The following CC2D2B variants were observed in gnomAD, a reference collection of about 807,000 sequenced individuals.
CC2D2B encodes protein CC2D2B.
CC2D2B carries 128 observed loss-of-function variants against 161.2 expected under a neutral mutation model. The ratio of observed to expected loss-of-function variants is 0.79; its 90% CI spans 0.69 to 0.92. The LOEUF (loss-of-function observed/expected upper bound fraction) is 0.92, where lower values mean the gene tolerates loss of function less well. Ranked by LOEUF, CC2D2B falls within the 40% of genes least tolerant of loss-of-function variation. CC2D2B has a pLI of 0.00. For synonymous variants in CC2D2B, 391 were observed against 449.8 expected (o/e 0.87, Z 1.65); for missense variants, 1,173 against 1,375.1 (o/e 0.85, Z 2.32).
chr10:96,001,419 G>A (rs566963055), intron 24 of CC2D2B, among the ~76,000 whole-genome samples: 24 of 151,318 alleles, frequency 1.6e-4, no homozygotes, highest in African/African-American at 3.6e-4. Context: ...TGTTTTCATC[G>A]TTTATATGAT....
In CC2D2B at chr10:95,938,091, T is replaced by G; in HGVS notation, c.437T>G (p.Leu146Trp). ...EEEEFMKEFILTDILKVKAAD... is the reference protein window; with the variant it reads ...EEEEFMKEFIWTDILKVKAAD... ...GAAGAGTTTATGAAAGAATTCATTTTGACAGATATACTCAAAGTAAAAGCT... is the reference window on the plus strand; with the variant it reads ...GAAGAGTTTATGAAAGAATTCATTTGGACAGATATACTCAAAGTAAAAGCT... The change falls in exon 7 of 35, where the codon TTG (leucine) becomes TGG (tryptophan). Residue 146 changes from leucine (L) to tryptophan (W), a missense_variant. Coordinates refer to ENST00000646931, the MANE Select transcript of CC2D2B (RefSeq NM_001349008.3). The G allele has an allele frequency of 1.5e-5, 23 of 1,549,288 alleles. No homozygotes were observed. The highest frequency in any genetic ancestry group is 2.0e-5 in the Non-Finnish European group (23 of 1,144,836).
At position 96,004,198 on chromosome 10, in the gene CC2D2B, G is replaced by T. The variant is rs1219456943; in HGVS notation, c.2896G>T (p.Asp966Tyr). The T allele has an allele frequency of 6.4e-7, 1 of 1,555,970 alleles. No individual in the cohort carries two copies. Among genetic ancestry groups the T allele is most frequent in the East Asian group, 2.4e-5 (1 of 42,024 alleles). Residue 966 changes from aspartate to tyrosine, a missense_variant, in exon 25 of 35, where the codon GAT becomes TAT. Asp to Tyr is a radical substitution (Grantham distance 160). Transcript: ENST00000646931. Reference protein sequence around the residue: ...YSFSSLSKIKDNIYINIFDEM... With the variant: ...YSFSSLSKIKYNIYINIFDEM... Reference sequence around the variant, plus strand: ...CTTCTCAAGCTTATCTAAAATAAAAGATAACATATATATCAACATTTTTGA... The same window carrying T: ...CTTCTCAAGCTTATCTAAAATAAAATATAACATATATATCAACATTTTTGA...
At chr10:95,980,138 A>C (rs889833967) in intron 17 of CC2D2B, among the ~76,000 whole-genome samples, 4 of 151,314 alleles carry the variant, frequency 2.6e-5, no homozygotes, top group Non-Finnish European at 4.4e-5. Flanking sequence ...TCCATCACCA[A>C]AGTAGAAATC....
At chr10:95,966,455 CTAT>C (rs1418616678) in intron 14 of CC2D2B, among the ~76,000 whole-genome samples, 153 bp downstream of exon 14, 1 of 151,972 alleles carries the variant, frequency 6.6e-6, no homozygotes, top group Non-Finnish European at 1.5e-5. Context: ...CACCATAACT[CTAT>C]AGAGTTCCAT....
chr10:95,994,612 C>T (rs988144640), intron 22 of CC2D2B, among the ~76,000 whole-genome samples: 1 of 152,168 alleles, frequency 6.6e-6, no homozygotes, highest in Non-Finnish European at 1.5e-5. Context: ...TAACGAGTGC[C>T]TTCCCAGACA....
chr10:96,025,192 A>AATATATATAT (rs10524712), intron 33 of CC2D2B, among the ~76,000 whole-genome samples: 3 of 49,170 alleles, frequency 6.1e-5, no homozygotes, highest in South Asian at 7.7e-4. Context: ...TATAAAAAAA[A>AATATATATAT]ATATATATAT....
At chr10:95,971,498 A>C (rs1049770783) in intron 15 of CC2D2B, among the ~76,000 whole-genome samples, 5 of 152,126 alleles carry the variant, frequency 3.3e-5, no homozygotes, top group Middle Eastern at 3.4e-3. Flanking sequence ...TTTCATGCCC[A>C]GTGAACCTCT....
intron 2 of CC2D2B, among the ~76,000 whole-genome samples, chr10:95,914,815 C>T (rs1221209755): frequency 2.6e-5 from 4 of 152,134 alleles, no homozygotes; most frequent in African/African-American, 7.2e-5. Context: ...TTCATAACAG[C>T]GTGAGAATGG....
intron 34 of CC2D2B, among the ~76,000 whole-genome samples, chr10:96,027,880 CTG>C (rs1291273427): frequency 6.6e-6 from 1 of 152,150 alleles, no homozygotes; most frequent in Non-Finnish European, 1.5e-5. Context: ...AGAACATACA[CTG>C]GGGAAAATAC....
In CC2D2B at chr10:96,032,137, CT is replaced by C; in HGVS notation, c.*131del. On this transcript the variant is annotated 3_prime_UTR_variant, in exon 35 of 35. Coordinates refer to ENST00000646931, the MANE Select transcript of CC2D2B (RefSeq NM_001349008.3). ...AGTGCTGGGCCCAATTTTTGATTCA[CT>C]TACAGAGCTGGGCACTATGGAGACT... 1 of 672,338 alleles carries C rather than the reference CT, an allele frequency of 1.5e-6. No individual in the cohort carries two copies. The highest frequency in any genetic ancestry group is 2.7e-5 in the East Asian group (1 of 36,828). 41.6% of individuals were successfully genotyped at this position (672,338 alleles called of 1,614,324 possible). A position where few individuals can be genotyped will look rare whatever the true frequency, so the allele number is the denominator to read the frequency against.
chr10:95,978,495 T>C (rs1382131231), intron 17 of CC2D2B, among the ~76,000 whole-genome samples: 1 of 152,194 alleles, frequency 6.6e-6, no homozygotes, highest in Non-Finnish European at 1.5e-5. Context: ...TAGCTGAGAC[T>C]GTAGGCAGGT....
intron 10 of CC2D2B, chr10:95,952,461 A>G (rs1564613742): frequency 6.6e-6 from 1 of 152,300 alleles, no homozygotes; most frequent in Middle Eastern, 3.4e-3. Flanking sequence ...GTACATCCTT[A>G]AAGTTCTCCT....
chr10:95,921,478 T>C (rs181845069), intron 2 of CC2D2B: 1 of 152,382 alleles, frequency 6.6e-6, no homozygotes, highest in African/African-American at 2.4e-5. Context: ...GGCACTATGA[T>C]TGCTCACCTG....
At chr10:95,908,918 AAT>A (rs1301849973) in intron 1 of CC2D2B, among the ~76,000 whole-genome samples, 1 of 152,066 alleles carries the variant, frequency 6.6e-6, no homozygotes, top group African/African-American at 2.4e-5. Context: ...TTCAAAATAT[AAT>A]ATGATAGTTT....
intron 14 of CC2D2B, among the ~76,000 whole-genome samples, chr10:95,968,266 A>G (rs959524394): frequency 6.6e-6 from 1 of 152,166 alleles, no homozygotes; most frequent in Non-Finnish European, 1.5e-5. Context: ...CACATCTTTG[A>G]AGTTATTGAC....
intron 17 of CC2D2B, among the ~76,000 whole-genome samples, chr10:95,976,038 C>G (rs2077301340): frequency 6.6e-6 from 1 of 152,192 alleles, no homozygotes; most frequent in South Asian, 2.1e-4. Context: ...TTGCAACTCT[C>G]TTTTACAATT....
chr10:95,970,870 C>T (rs1481324153), intron 15 of CC2D2B, among the ~76,000 whole-genome samples: 1 of 152,212 alleles, frequency 6.6e-6, no homozygotes, highest in Non-Finnish European at 1.5e-5. Context: ...GTCTTAAATT[C>T]TCTCTTACAA....
intron 32 of CC2D2B, among the ~76,000 whole-genome samples, chr10:96,021,883 C>T (rs1590920340): frequency 1.3e-5 from 2 of 152,272 alleles, no homozygotes; most frequent in Admixed American, 6.5e-5. Flanking sequence ...TCAGATGTAG[C>T]TAGGTGGTAG....
chr10:95,929,907 A>G (rs1177134515), intron 6 of CC2D2B, among the ~76,000 whole-genome samples: 1 of 152,180 alleles, frequency 6.6e-6, no homozygotes, highest in African/African-American at 2.4e-5. Context: ...TGAAATTTAA[A>G]GTATTTTTTT....
Sources: gnomAD v4.1 joint callset for allele counts (sites outside exome capture counted in the v4.1 genomes callset) on GRCh38, gnomAD v4.1.1 for gene constraint, MANE v1.5 for transcripts, NCBI Gene and HGNC (gene_info 2026-07-23, HGNC 2026-07-21) for gene names.